Variants in ROBO1 observed in about 807,000 individuals in gnomAD.
ROBO1 encodes roundabout homolog 1.
ROBO1 carries 149 observed loss-of-function variants against 195.9 expected under a neutral mutation model. The ratio of observed to expected loss-of-function variants is 0.76; its 90% confidence interval spans 0.67 to 0.87. ROBO1 has a LOEUF of 0.87. Ranked by LOEUF, ROBO1 falls within the 40% of genes least tolerant of loss-of-function variation. The probability of loss-of-function intolerance (pLI) is 0.00; values close to 1 mark genes in which losing one functional copy is unlikely to be tolerated. For missense variants in ROBO1, 1,933 were observed against 2,068.3 expected (o/e 0.93, Z 1.27); for synonymous variants, 816 against 733.2 (o/e 1.11, Z -1.82).
chr3:79,469,765 T>G (rs771677243), intron 2 of ROBO1, among the ~76,000 whole-genome samples: 10 of 152,202 alleles, frequency 6.6e-5, no homozygotes, highest in Admixed American at 2.6e-4. Context: ...GCAAATCTAC[T>G]TCATTTCAAA....
At chr3:79,337,043 T>A (rs1409379953) in intron 2 of ROBO1, among the ~76,000 whole-genome samples, 1 of 152,234 alleles carries the variant, frequency 6.6e-6, no homozygotes, top group Non-Finnish European at 1.5e-5. Context: ...TTGGAATGGG[T>A]GTATTTACTC....
At chr3:79,163,575 C>A (rs1559704507) in intron 2 of ROBO1, among the ~76,000 whole-genome samples, 1 of 152,030 alleles carries the variant, frequency 6.6e-6, no homozygotes, top group Non-Finnish European at 1.5e-5. Flanking sequence ...TATGGTAATT[C>A]TATTTTTAAT....
At chr3:79,138,830 A>G (rs2080466577) in intron 2 of ROBO1, among the ~76,000 whole-genome samples, 1 of 151,954 alleles carries the variant, frequency 6.6e-6, no homozygotes, top group East Asian at 1.9e-4. Context: ...ATATATAGAT[A>G]TAGACATAAA....
At chr3:78,760,486 C>T (rs1030967716) in intron 4 of ROBO1, among the ~76,000 whole-genome samples, 11 of 152,086 alleles carry the variant, frequency 7.2e-5, no homozygotes, top group Admixed American at 2.0e-4. Flanking sequence ...CATCAGCCTC[C>T]AAAAATTTGG....
At chr3:79,389,753 A>G (rs144821571) in intron 2 of ROBO1, among the ~76,000 whole-genome samples, 148 of 152,224 alleles carry the variant, frequency 9.7e-4, no homozygotes, top group African/African-American at 3.2e-3. Flanking sequence ...TGAAGTTTAT[A>G]TGTAACTAGT....
chr3:78,725,998 G>C (rs1457660), intron 5 of ROBO1, among the ~76,000 whole-genome samples: 1 of 151,954 alleles, frequency 6.6e-6, no homozygotes, highest in East Asian at 1.9e-4. Flanking sequence ...TTAACACAGT[G>C]AACAGACTGG....
intron 2 of ROBO1, among the ~76,000 whole-genome samples, chr3:79,486,729 T>C (rs1378765731): frequency 1.3e-5 from 2 of 152,154 alleles, no homozygotes; most frequent in East Asian, 1.9e-4. Context: ...CAGCAGAATA[T>C]GCCACCCCAA....
chr3:79,596,588 G>A (rs1435731947), intron 1 of ROBO1, among the ~76,000 whole-genome samples: 1 of 152,016 alleles, frequency 6.6e-6, no homozygotes, highest in African/African-American at 2.4e-5. Flanking sequence ...ATCTATTAAT[G>A]TATGATGTAT....
intron 1 of ROBO1, among the ~76,000 whole-genome samples, chr3:79,749,758 C>A (rs1011343197): frequency 3.3e-5 from 5 of 152,212 alleles, no homozygotes; most frequent in South Asian, 2.1e-4. Flanking sequence ...CGTTTGGGAA[C>A]CTCCACCTAG....
intron 4 of ROBO1, among the ~76,000 whole-genome samples, chr3:78,898,380 G>GTTTTTTTTT (rs773377988): frequency 3.0e-5 from 3 of 100,996 alleles, no homozygotes; most frequent in Non-Finnish European, 5.5e-5. Flanking sequence ...GATAGATAGG[G>GTTTTTTTTT]TTTTTTTTTT....
chr3:78,917,569 T>G (rs909965090), intron 4 of ROBO1, among the ~76,000 whole-genome samples: 8 of 152,068 alleles, frequency 5.3e-5, no homozygotes, highest in Non-Finnish European at 1.0e-4. Context: ...AATAATTAAT[T>G]TTGTAAAATC....
At chr3:79,701,463 A>T (rs574153208) in intron 1 of ROBO1, among the ~76,000 whole-genome samples, 3 of 151,874 alleles carry the variant, frequency 2.0e-5, no homozygotes, top group South Asian at 2.1e-4. Flanking sequence ...ACTATGAGCT[A>T]AAACGGGCCT....
intron 1 of ROBO1, among the ~76,000 whole-genome samples, chr3:79,666,942 A>G (rs912881078): frequency 5.3e-5 from 8 of 151,958 alleles, no homozygotes; most frequent in Non-Finnish European, 1.2e-4. Flanking sequence ...TCTGTTCTAG[A>G]GTCTAGATGA....
intron 2 of ROBO1, among the ~76,000 whole-genome samples, chr3:79,148,299 A>G (rs570546457): frequency 1.8e-4 from 28 of 152,024 alleles, no homozygotes; most frequent in Middle Eastern, 3.4e-3. Flanking sequence ...AGACTGAAAG[A>G]CTATATACAG....
chr3:79,571,402 T>C (rs1261025938), intron 2 of ROBO1, among the ~76,000 whole-genome samples: 1 of 152,058 alleles, frequency 6.6e-6, no homozygotes, highest in East Asian at 1.9e-4. Flanking sequence ...ATAGCGTATA[T>C]GGGAAGTTAA....
At chr3:78,925,713 T>C (rs1158304962) in intron 4 of ROBO1, among the ~76,000 whole-genome samples, 1 of 152,026 alleles carries the variant, frequency 6.6e-6, no homozygotes, top group Non-Finnish European at 1.5e-5. Flanking sequence ...TACAGAAGAA[T>C]GAAGATTTCC....
chr3:78,745,913 A>G (rs2082646136), intron 5 of ROBO1, among the ~76,000 whole-genome samples: 1 of 152,198 alleles, frequency 6.6e-6, no homozygotes, highest in South Asian at 2.1e-4. Context: ...GCTCTTGTAC[A>G]TCTTCAGCAG....
intron 26 of ROBO1, among the ~76,000 whole-genome samples, chr3:78,624,051 G>T (rs1704611461): frequency 6.6e-6 from 1 of 152,122 alleles, no homozygotes; most frequent in South Asian, 2.1e-4. Flanking sequence ...CCAATATTAA[G>T]GAGTTGGTTA....
chr3:79,747,393 G>A (rs1177502380), intron 1 of ROBO1, among the ~76,000 whole-genome samples: 2 of 151,998 alleles, frequency 1.3e-5, no homozygotes, highest in African/African-American at 4.8e-5. Context: ...ATGTTAATGA[G>A]CTTGGATAAA....
Sources: gnomAD v4.1 joint callset for allele counts (sites outside exome capture counted in the v4.1 genomes callset) on GRCh38, gnomAD v4.1.1 for gene constraint, MANE v1.5 for transcripts, NCBI Gene and HGNC (gene_info 2026-07-23, HGNC 2026-07-21) for gene names.